The following RPS6KC1 variants were observed in gnomAD, a reference collection of about 807,000 sequenced individuals.
The protein encoded by RPS6KC1 is ribosomal protein S6 kinase C1.
In RPS6KC1, 54 loss-of-function variants were observed where a neutral mutation model predicts 103.8. The ratio of observed to expected loss-of-function variants is 0.52; its 90% CI spans 0.42 to 0.65. The LOEUF (loss-of-function observed/expected upper bound fraction) is 0.65. RPS6KC1 is among the 30% of genes least tolerant of loss of function. RPS6KC1 has a pLI of 0.00. For synonymous variants in RPS6KC1, 439 were observed against 438.7 expected, an observed-to-expected ratio of 1.00 and a Z score of -0.01; for missense variants, 1,151 against 1,253.8, an observed-to-expected ratio of 0.92 and a Z score of 1.24.
chr1:213,464,801 T>C, the RPS6KC1 span, among the ~76,000 whole-genome samples: 1 of 151,888 alleles, frequency 6.6e-6, no homozygotes, highest in East Asian at 1.9e-4. Flanking sequence ...AAATCAGAAA[T>C]GCATTTACAT....
At chr1:213,543,416 A>C in the RPS6KC1 span, among the ~76,000 whole-genome samples, 1 of 151,678 alleles carries the variant, frequency 6.6e-6, no homozygotes, top group Admixed American at 6.6e-5. Flanking sequence ...CTGCTAACAG[A>C]CTCTTTTGGG....
At position 213,273,499 on chromosome 1, in the gene RPS6KC1, T is replaced by C. The variant is rs2095087532; in HGVS notation, c.*865T>C. The C allele has an allele frequency of 6.5e-6, 1 of 152,748 alleles. No individual in the cohort carries two copies. Among genetic ancestry groups the C allele is most frequent in the African/African-American group, 2.4e-5 (1 of 41,552 alleles). The allele number at this position is 152,748 out of a possible 1,614,324, so 9.5% of individuals were successfully genotyped here. On this transcript the variant is annotated 3_prime_UTR_variant, in exon 15 of 15. Transcript: ENST00000366960. ...CTTCATTTAATAACCCTCCCCCCTTTTTTTCCTTGAAGAAATGCGTCTGTT... is the reference window on the plus strand; with the variant it reads ...CTTCATTTAATAACCCTCCCCCCTTCTTTTCCTTGAAGAAATGCGTCTGTT...
chr1:213,492,817 A>C, the RPS6KC1 span, among the ~76,000 whole-genome samples: 1 of 152,136 alleles, frequency 6.6e-6, no homozygotes, highest in Non-Finnish European at 1.5e-5. Flanking sequence ...CTGTGTGGGA[A>C]CTGCTGTTCC....
intron 11 of RPS6KC1, 127 bp downstream of exon 11, chr1:213,242,424 C>A: frequency 8.4e-7 from 1 of 1,193,326 alleles, no homozygotes; most frequent in Middle Eastern, 2.0e-4. Flanking sequence ...GCAGCAAATT[C>A]ACCCCCAGTA....
chr1:213,128,433 C>T (rs979435244), intron 5 of RPS6KC1, among the ~76,000 whole-genome samples: 3 of 152,138 alleles, frequency 2.0e-5, no homozygotes, highest in African/African-American at 7.2e-5. Flanking sequence ...ATACAATTCA[C>T]ATGAACAAAA....
chr1:213,627,565 T>C, the RPS6KC1 span, among the ~76,000 whole-genome samples: 1 of 152,198 alleles, frequency 6.6e-6, no homozygotes, highest in African/African-American at 2.4e-5. Flanking sequence ...GGGTTTGTCA[T>C]AGATAGCTCT....
chr1:213,512,211 T>G, the RPS6KC1 span, among the ~76,000 whole-genome samples: 1 of 152,250 alleles, frequency 6.6e-6, no homozygotes, highest in Non-Finnish European at 1.5e-5. Flanking sequence ...ATGTCCCTGT[T>G]CCTTGTGTCT....
chr1:213,097,727 A>G (rs79063914), intron 3 of RPS6KC1, among the ~76,000 whole-genome samples: 2,212 of 152,322 alleles, frequency 0.015, 48 homozygotes, highest in African/African-American at 0.05. Flanking sequence ...ATCTTTATCA[A>G]TGATTTTCGC....
At chr1:213,808,745 G>T in the RPS6KC1 span, among the ~76,000 whole-genome samples, 1 of 152,248 alleles carries the variant, frequency 6.6e-6, no homozygotes, top group Non-Finnish European at 1.5e-5. Flanking sequence ...GTGAGGCAAT[G>T]CCTCGCCTTG....
At chr1:213,777,584 A>C in the RPS6KC1 span, among the ~76,000 whole-genome samples, 1 of 152,216 alleles carries the variant, frequency 6.6e-6, no homozygotes, top group East Asian at 1.9e-4. Flanking sequence ...AATATAAAAA[A>C]TGGCACCAAT....
intron 7 of RPS6KC1, among the ~76,000 whole-genome samples, chr1:213,175,918 A>G (rs1251830256): frequency 6.6e-6 from 1 of 152,192 alleles, no homozygotes; most frequent in Non-Finnish European, 1.5e-5. Flanking sequence ...ACAATTATAG[A>G]ACTGTAGCTT....
At chr1:213,602,157 T>C in the RPS6KC1 span, among the ~76,000 whole-genome samples, 4 of 104,566 alleles carry the variant, frequency 3.8e-5, no homozygotes, top group South Asian at 3.3e-4. Flanking sequence ...TTTCTTTCTT[T>C]CTTTCTTTCT....
At chr1:213,702,930 A>C in the RPS6KC1 span, among the ~76,000 whole-genome samples, 9 of 150,804 alleles carry the variant, frequency 6.0e-5, no homozygotes, top group Non-Finnish European at 1.3e-4. Flanking sequence ...ATTTATATTT[A>C]ATGTTATTTT....
chr1:213,406,124 G>A, the RPS6KC1 span, among the ~76,000 whole-genome samples: 7 of 152,322 alleles, frequency 4.6e-5, no homozygotes, highest in East Asian at 1.9e-4. Context: ...CCAGTGACCC[G>A]GAGTGAGCAG....
At chr1:213,150,998 C>G (rs1291013697) in intron 6 of RPS6KC1, among the ~76,000 whole-genome samples, 1 of 12,128 alleles carries the variant, frequency 8.2e-5, no homozygotes, top group East Asian at 1.4e-3. Flanking sequence ...GGGGGCTGAC[C>G]CCCCCCACCT....
At chr1:213,098,366 T>C (rs1466817269) in intron 3 of RPS6KC1, among the ~76,000 whole-genome samples, 1 of 149,588 alleles carries the variant, frequency 6.7e-6, no homozygotes, top group East Asian at 2.0e-4. Flanking sequence ...GGTCTCAAAC[T>C]CCTGGGCTCA....
At chr1:213,268,775 A>G (rs997517571) in intron 14 of RPS6KC1, among the ~76,000 whole-genome samples, 14 of 151,712 alleles carry the variant, frequency 9.2e-5, no homozygotes, top group Non-Finnish European at 1.9e-4. Context: ...AAGTAGATAA[A>G]TGATCTTATA....
the RPS6KC1 span, among the ~76,000 whole-genome samples, chr1:213,327,040 C>CTTTTTTTTTTTTTTT: frequency 5.8e-5 from 8 of 136,828 alleles, no homozygotes; most frequent in Admixed American, 7.4e-5. Flanking sequence ...TTTTCTTTTT[C>CTTTTTTTTTTTTTTT]TTTTTTTTTT....
the RPS6KC1 span, among the ~76,000 whole-genome samples, chr1:213,548,729 T>C: frequency 1.3e-5 from 2 of 152,222 alleles, no homozygotes; most frequent in East Asian, 1.9e-4. Context: ...GAAGTAGGAT[T>C]GGGATGAGGA....
Sources: allele counts gnomAD v4.1 joint callset (sites outside exome capture counted in the v4.1 genomes callset), GRCh38; gene constraint gnomAD v4.1.1; transcripts MANE v1.5; gene names NCBI Gene and HGNC (gene_info 2026-07-23, HGNC 2026-07-21).